The following ARHGEF10 variants were observed in gnomAD, a reference collection of about 807,000 sequenced individuals.
ARHGEF10 encodes Rho guanine nucleotide exchange factor (GEF) 10.
Under a neutral mutation model 147.4 loss-of-function variants are expected in ARHGEF10, and 140 were observed. That is an observed-to-expected ratio of 0.95 (90% CI 0.83 to 1.09). The LOEUF (loss-of-function observed/expected upper bound fraction) is 1.09. Ranked by LOEUF, ARHGEF10 falls within the 50% of genes least tolerant of loss-of-function variation. The pLI is 0.00. For missense variants in ARHGEF10, 2,222 were observed against 1,752.7 expected, an observed-to-expected ratio of 1.27 and a Z score of -4.78; for synonymous variants, 902 against 695.8, an observed-to-expected ratio of 1.30 and a Z score of -4.67.
At position 1,860,217 on chromosome 8, in the gene ARHGEF10, T is replaced by C. The variant is rs768936663; in HGVS notation, c.481+33T>C. On this transcript the variant is annotated intron_variant, in intron 4 of 28. Transcript: ENST00000349830. ...TACCCTCCTCTCCACGCCCCCGAAG[T>C]GGCCTGTGGTTCCCTCCTCTCCACG... 9 of 1,602,156 alleles carry C rather than the reference T, an allele frequency of 5.6e-6. No individual in the cohort carries two copies. In the South Asian group the frequency reaches 9.9e-5, roughly 18 times the overall value.
At position 1,957,193 on chromosome 8, in the gene ARHGEF10, C is replaced by T. The variant is rs2129298894; in HGVS notation, c.3965C>T (p.Ala1322Val). ...GQGHRRVHRK[A>V]RQPHQEELAP... ...GGCCACCGCCGGGTGCACAGGAAGG[C>T]CCGGCAGCCCCACCAGGAAGAGCTG... The change falls in exon 29 of 29, where the codon GCC becomes GTC. Residue 1322 changes from alanine to valine, a missense_variant. Physicochemically the swap from Ala to Val is moderately conservative, Grantham distance 64. Transcript: ENST00000349830. 6.2e-7 allele frequency: 1 copy of T among 1,612,386 alleles called. No homozygotes were observed. The highest frequency in any genetic ancestry group is 8.5e-7 in the Non-Finnish European group (1 of 1,179,960).
At chr8:1,876,229 G>T in intron 7 of ARHGEF10, 1 of 348,056 alleles carries the variant, frequency 2.9e-6, no homozygotes, top group Non-Finnish European at 5.4e-6. Flanking sequence ...TTATATAAAG[G>T]AAGATTTTTC....
chr8:1,849,751 CG>C (rs1286231277), intron 2 of ARHGEF10, among the ~76,000 whole-genome samples: 3 of 140,956 alleles, frequency 2.1e-5, no homozygotes, highest in African/African-American at 8.2e-5. Context: ...CTGAGGAGGG[CG>C]TGGGGCGGCC....
intron 26 of ARHGEF10, among the ~76,000 whole-genome samples, chr8:1,936,644 A>G (rs1399593967): frequency 2.6e-5 from 4 of 152,220 alleles, no homozygotes; most frequent in Non-Finnish European, 5.9e-5. Flanking sequence ...TCCAGAAAGA[A>G]ATGTTATCAT....
chr8:1,871,106 C>G (rs1207641103), intron 7 of ARHGEF10: 3 of 75,102 alleles, frequency 4.0e-5, no homozygotes, highest in Non-Finnish European at 8.2e-5. Context: ...AGTGAAAACT[C>G]TGTGTCAAAA....
At chr8:1,924,035 T>G (rs2129213890) in intron 21 of ARHGEF10, among the ~76,000 whole-genome samples, 161 bp downstream of exon 21, 1 of 152,240 alleles carries the variant, frequency 6.6e-6, no homozygotes, top group Non-Finnish European at 1.5e-5. Context: ...GCACCGGCGA[T>G]TTTTTAGATG....
chr8:1,928,306 A>T, intron 23 of ARHGEF10, 121 bp from the exon 24 acceptor site: 4 of 864,370 alleles, frequency 4.6e-6, no homozygotes, highest in Admixed American at 2.0e-5. Context: ...TTATTTTTTT[A>T]AGTGTGTTGA....
At chr8:1,931,329 A>G (rs149421832) in intron 25 of ARHGEF10, among the ~76,000 whole-genome samples, 2 of 152,298 alleles carry the variant, frequency 1.3e-5, no homozygotes, top group Admixed American at 6.5e-5. Flanking sequence ...TAACATTTCT[A>G]TTACGTAAAA....
intron 18 of ARHGEF10, among the ~76,000 whole-genome samples, chr8:1,920,350 C>T (rs1812187859): frequency 1.3e-5 from 2 of 152,204 alleles, no homozygotes; most frequent in African/African-American, 2.4e-5. Flanking sequence ...TGATACAAGG[C>T]CTTGTTTGGA....
chr8:1,923,679 T>C, intron 20 of ARHGEF10, 84 bp downstream of exon 20: 1 of 1,613,888 alleles, frequency 6.2e-7, no homozygotes, highest in South Asian at 1.1e-5. Context: ...TGTTTTTTGG[T>C]TTGCTGATTC....
chr8:1,867,032 T>TG (rs1806685785), intron 6 of ARHGEF10, among the ~76,000 whole-genome samples: 1 of 150,902 alleles, frequency 6.6e-6, no homozygotes. Flanking sequence ...TTTTTTTTTT[T>TG]GTCCCATACA....
intron 1 of ARHGEF10, among the ~76,000 whole-genome samples, chr8:1,829,929 G>C (rs542796955): frequency 1.3e-5 from 2 of 152,356 alleles, no homozygotes; most frequent in South Asian, 4.1e-4. Context: ...GAAAGGTGCA[G>C]CGTTTTGCCA....
chr8:1,904,802 C>G (rs1810750798), intron 16 of ARHGEF10, among the ~76,000 whole-genome samples: 1 of 150,702 alleles, frequency 6.6e-6, no homozygotes, highest in African/African-American at 2.4e-5. Context: ...GGGCTGAGGA[C>G]TCTGTTTTTC....
chr8:1,936,710 C>T (rs971773113), intron 26 of ARHGEF10, among the ~76,000 whole-genome samples: 5 of 152,138 alleles, frequency 3.3e-5, no homozygotes, highest in African/African-American at 1.2e-4. Flanking sequence ...GTATCAGTTC[C>T]CCAGGTTAGG....
intron 26 of ARHGEF10, among the ~76,000 whole-genome samples, chr8:1,944,180 C>CCCGCGGTCGG (rs1814359353): frequency 6.7e-6 from 1 of 149,366 alleles, no homozygotes; most frequent in Non-Finnish European, 1.5e-5. Flanking sequence ...CTTCCCGCAC[C>CCCGCGGTCGG]GTGCTACCTC....
intron 28 of ARHGEF10, among the ~76,000 whole-genome samples, chr8:1,953,625 A>ATTTAGTT (rs1554518769): frequency 2.0e-5 from 3 of 151,824 alleles, no homozygotes; most frequent in Non-Finnish European, 2.9e-5. Flanking sequence ...TTGCCACAGC[A>ATTTAGTT]TTTAATTTTT....
intron 15 of ARHGEF10, 131 bp downstream of exon 15, chr8:1,898,656 C>A (rs895565502): frequency 3.1e-6 from 3 of 954,410 alleles, no homozygotes; most frequent in Non-Finnish European, 4.9e-6. Flanking sequence ...TAGGCAGTTA[C>A]AGGAGGTGGA....
intron 2 of ARHGEF10, among the ~76,000 whole-genome samples, chr8:1,853,045 G>A (rs1805264088): frequency 2.0e-5 from 3 of 146,716 alleles, no homozygotes; most frequent in African/African-American, 7.8e-5. Context: ...GGTTAGATTT[G>A]GGCCGGGCGC....
At chr8:1,863,442 C>T (rs1360922171) in intron 4 of ARHGEF10, among the ~76,000 whole-genome samples, 5 of 152,246 alleles carry the variant, frequency 3.3e-5, no homozygotes, top group Non-Finnish European at 5.9e-5. Flanking sequence ...AGAACTGTTG[C>T]TCATTCCAAA....
Sources: allele counts gnomAD v4.1 joint callset (sites outside exome capture counted in the v4.1 genomes callset), GRCh38; gene constraint gnomAD v4.1.1; transcripts MANE v1.5; gene names NCBI Gene and HGNC (gene_info 2026-07-23, HGNC 2026-07-21).